The following ZBTB20 variants were observed in gnomAD, a reference collection of about 807,000 sequenced individuals.
ZBTB20 encodes zinc finger and BTB domain-containing protein 20.
A neutral mutation model predicts 56.9 loss-of-function variants in ZBTB20; 9 were observed. The observed-to-expected ratio is 0.16, with a 90% CI of 0.10 to 0.28. The LOEUF is 0.28. Among genes scored for constraint, ZBTB20 ranks in the 10% least tolerant of loss-of-function variants. The pLI is 1.00. For missense variants in ZBTB20, 655 were observed against 1,003.0 expected (o/e 0.65, Z 4.69); for synonymous variants, 417 against 420.7 (o/e 0.99, Z 0.11).
intron 1 of ZBTB20, among the ~76,000 whole-genome samples, chr3:115,145,873 C>T (rs2084949118): frequency 6.6e-6 from 1 of 152,160 alleles, no homozygotes; most frequent in Non-Finnish European, 1.5e-5. Context: ...TCAATGGCAA[C>T]AAGTTACAAC....
rs1371573154 is a variant in ZBTB20, at chr3:114,339,758, G to T, written c.1805-332C>A. 1.3e-5 allele frequency among the ~76,000 whole-genome samples: 2 copies of T among 152,174 alleles called. No individual in the cohort carries two copies. The highest frequency in any genetic ancestry group is 2.9e-5 in the Non-Finnish European group (2 of 68,030). On this transcript the variant is annotated intron_variant, in intron 11 of 11. Transcript: ENST00000675478. The surrounding 1 kb of genome is among the most constrained non-coding windows in gnomAD (Gnocchi z 4.2). ...AAAGGGAGGGCTACTTTTGAAGGGG[G>T]TCACTTTCAGTGTCCTGATTAGGGG...
chr3:115,025,013 G>A (rs1174996321), intron 2 of ZBTB20, among the ~76,000 whole-genome samples: 3 of 150,974 alleles, frequency 2.0e-5, no homozygotes, highest in African/African-American at 7.3e-5. Flanking sequence ...TGTGTCATGG[G>A]GGTCTGTTGT....
intron 7 of ZBTB20, among the ~76,000 whole-genome samples, chr3:114,499,644 C>A (rs1342114098): frequency 7.9e-5 from 12 of 152,128 alleles, no homozygotes; most frequent in Admixed American, 7.9e-4. Context: ...TCAAGCAGTT[C>A]AAAATAAAAT....
chr3:114,355,071 C>T (rs1402825214), intron 10 of ZBTB20, among the ~76,000 whole-genome samples: 1 of 151,968 alleles, frequency 6.6e-6, no homozygotes, highest in African/African-American at 2.4e-5. Flanking sequence ...GCCCAAAGAT[C>T]GAGAGTTATC....
At chr3:114,495,234 T>G (rs1020644261) in intron 7 of ZBTB20, among the ~76,000 whole-genome samples, 10 of 152,200 alleles carry the variant, frequency 6.6e-5, no homozygotes, top group Non-Finnish European at 2.9e-5. Flanking sequence ...CCAATAAAAA[T>G]TATTCTTTGT....
In ZBTB20 at chr3:115,063,864, A is replaced by G. The variant is rs1308331637; in HGVS notation, c.-507+7355T>C. ...TTTAGACATAATATATTAACTTCCTATCATGGCAGAAGACTTAGTTCTTTG... is the reference window on the plus strand; with the variant it reads ...TTTAGACATAATATATTAACTTCCTGTCATGGCAGAAGACTTAGTTCTTTG... On this transcript the variant is annotated intron_variant, in intron 2 of 11. Transcript: ENST00000675478. Among the ~76,000 whole-genome samples the G allele has an allele frequency of 1.1e-4, 16 of 152,236 alleles. No individual in the cohort carries two copies. In the South Asian group the frequency reaches 2.7e-3, roughly 26 times the overall value.
intron 1 of ZBTB20, among the ~76,000 whole-genome samples, chr3:115,071,678 G>A (rs1008655079): frequency 6.6e-6 from 1 of 152,106 alleles, no homozygotes; most frequent in Non-Finnish European, 1.5e-5. Flanking sequence ...GGTACAGTTT[G>A]TTTCCCTTTT....
At chr3:114,506,562 C>G (rs953935385) in intron 6 of ZBTB20, among the ~76,000 whole-genome samples, 1 of 152,126 alleles carries the variant, frequency 6.6e-6, no homozygotes, top group African/African-American at 2.4e-5. Context: ...TGATGACATT[C>G]AGGAATCCTT....
chr3:114,350,476 G>T lies in ZBTB20; in HGVS notation c.1602C>A (p.Gly534=). The T allele has an allele frequency of 6.2e-7, 1 of 1,614,100 alleles. No homozygotes were observed. The highest frequency in any genetic ancestry group is 8.5e-7 in the Non-Finnish European group (1 of 1,180,008). ...ACACTGTCACAAACTGGGTCTGCTG[G>T]CCTGCCAGGGGCTGTGGCAGGCTGA... ...FLFSLPQPLA[G]QQTQFVTVSQ... Residue 534 remains glycine (G), a synonymous_variant, in exon 11 of 12, where the codon GGC becomes GGA. Transcript: ENST00000675478.
At chr3:114,846,456 C>T (rs2074708933) in intron 4 of ZBTB20, among the ~76,000 whole-genome samples, 1 of 152,188 alleles carries the variant, frequency 6.6e-6, no homozygotes, top group African/African-American at 2.4e-5. Context: ...GAGAGCTCTC[C>T]TAGAGCCAAT....
At chr3:114,610,566 A>G (rs974073281) in intron 6 of ZBTB20, among the ~76,000 whole-genome samples, 2 of 152,220 alleles carry the variant, frequency 1.3e-5, no homozygotes, top group Non-Finnish European at 2.9e-5. Flanking sequence ...CTTGTACGTA[A>G]CTGGGGTTGA....
intron 2 of ZBTB20, among the ~76,000 whole-genome samples, chr3:114,983,944 A>G (rs2078431676): frequency 6.6e-6 from 1 of 151,984 alleles, no homozygotes; most frequent in Admixed American, 6.6e-5. Context: ...TTTAAAACGA[A>G]ACGATTTCCT....
At chr3:114,399,022 G>A (rs978495979) in intron 7 of ZBTB20, among the ~76,000 whole-genome samples, 2 of 152,008 alleles carry the variant, frequency 1.3e-5, no homozygotes, top group Non-Finnish European at 2.9e-5. Context: ...AGGTTGTCTC[G>A]GGCTAGTGTG....
chr3:114,699,283 T>C (rs1156274562), intron 5 of ZBTB20, among the ~76,000 whole-genome samples: 3 of 152,120 alleles, frequency 2.0e-5, no homozygotes, highest in Admixed American at 2.0e-4. Context: ...TAATTCATCT[T>C]TTAAAAAATA....
intron 5 of ZBTB20, among the ~76,000 whole-genome samples, chr3:114,748,352 T>TTCTCTCTTTCTCTCTCTCTC (rs2067275622): frequency 1.0e-4 from 5 of 48,578 alleles, no homozygotes; most frequent in Admixed American, 5.2e-4. Flanking sequence ...TTTCTTTCTT[T>TTCTCTCTTTCTCTCTCTCTC]TCTCTCTCTC....
At chr3:114,460,658 C>T (rs1377483382) in intron 7 of ZBTB20, among the ~76,000 whole-genome samples, 1 of 152,212 alleles carries the variant, frequency 6.6e-6, no homozygotes, top group Non-Finnish European at 1.5e-5. Flanking sequence ...TGATTTGAGA[C>T]TTCTGGTTTC....
At chr3:114,887,731 C>T (rs1376585928) in intron 4 of ZBTB20, among the ~76,000 whole-genome samples, 1 of 152,122 alleles carries the variant, frequency 6.6e-6, no homozygotes, top group Non-Finnish European at 1.5e-5. Context: ...AAATTTCTGT[C>T]GTTTTTAAGT....
chr3:115,097,304 G>A (rs534535570), intron 1 of ZBTB20, among the ~76,000 whole-genome samples: 26 of 152,030 alleles, frequency 1.7e-4, no homozygotes, highest in East Asian at 1.4e-3. Flanking sequence ...TCAGCCTCCC[G>A]AGTAGCTGGG....
intron 1 of ZBTB20, among the ~76,000 whole-genome samples, chr3:115,135,743 C>T (rs577819091): frequency 5.3e-5 from 8 of 152,082 alleles, no homozygotes; most frequent in Non-Finnish European, 1.0e-4. Flanking sequence ...GTTCACAACC[C>T]AACTACCTTT....
Sources: allele counts gnomAD v4.1 joint callset (sites outside exome capture counted in the v4.1 genomes callset), GRCh38; gene constraint gnomAD v4.1.1; non-coding constraint Gnocchi (gnomAD v3.1); transcripts MANE v1.5; gene names NCBI Gene and HGNC (gene_info 2026-07-23, HGNC 2026-07-21).